NR6A1: variants seen among roughly 807,000 people sequenced by gnomAD.
The protein encoded by NR6A1 is retinoic acid receptor-related testis-associated receptor.
NR6A1 carries 7 observed loss-of-function variants against 59.1 expected under a neutral mutation model. The observed-to-expected ratio is 0.12, with a 90% CI of 0.07 to 0.22. NR6A1 has a LOEUF of 0.22. Among genes scored for constraint, NR6A1 ranks in the 10% least tolerant of loss-of-function variants. The probability of loss-of-function intolerance (pLI) is 1.00; values close to 1 mark genes in which losing one functional copy is unlikely to be tolerated. For synonymous variants in NR6A1, 243 were observed against 236.1 expected, an observed-to-expected ratio of 1.03 and a Z score of -0.27; for missense variants, 468 against 611.6, an observed-to-expected ratio of 0.77 and a Z score of 2.48.
intron 2 of NR6A1, among the ~76,000 whole-genome samples, chr9:124,659,926 T>C (rs1212565134): frequency 3.3e-5 from 5 of 152,242 alleles, no homozygotes; most frequent in African/African-American, 9.6e-5. Flanking sequence ...GGTTAATGCA[T>C]TGCATTTGAA....
chr9:124,601,075 A>G (rs1394202949), intron 2 of NR6A1, among the ~76,000 whole-genome samples: 1 of 152,130 alleles, frequency 6.6e-6, no homozygotes, highest in Non-Finnish European at 1.5e-5. Flanking sequence ...CAGAAGTTCA[A>G]AACCAGCCTG....
At chr9:124,654,367 T>G (rs897164066) in intron 2 of NR6A1, among the ~76,000 whole-genome samples, 2 of 152,150 alleles carry the variant, frequency 1.3e-5, no homozygotes, top group African/African-American at 2.4e-5. Flanking sequence ...AAAAATACAC[T>G]TGGAAAAAAC....
At chr9:124,645,839 A>T (rs1172775159) in intron 2 of NR6A1, among the ~76,000 whole-genome samples, 2 of 152,202 alleles carry the variant, frequency 1.3e-5, no homozygotes, top group African/African-American at 4.8e-5. Context: ...TCAAGTTGAC[A>T]TGAAACATTT....
chr9:124,544,109 A>T (rs1046513639), intron 3 of NR6A1, among the ~76,000 whole-genome samples: 1 of 152,250 alleles, frequency 6.6e-6, no homozygotes, highest in East Asian at 1.9e-4. Context: ...ATATGTTCGA[A>T]AAAGGTGATA....
chr9:124,591,479 C>T (rs1835124211), intron 2 of NR6A1, among the ~76,000 whole-genome samples: 1 of 152,220 alleles, frequency 6.6e-6, no homozygotes, highest in Admixed American at 6.5e-5. Context: ...GCCATCTGGG[C>T]AACAGGGGAC....
intron 2 of NR6A1, among the ~76,000 whole-genome samples, chr9:124,677,354 G>A (rs1370642028): frequency 6.6e-6 from 1 of 152,086 alleles, no homozygotes; most frequent in Admixed American, 6.6e-5. Context: ...AACCTCTCAT[G>A]TTCAAGTGAT....
chr9:124,656,604 G>A (rs1183475192), intron 2 of NR6A1, among the ~76,000 whole-genome samples: 1 of 152,058 alleles, frequency 6.6e-6, no homozygotes, highest in African/African-American at 2.4e-5. Flanking sequence ...GGCCAAGGTG[G>A]GTGGATCACT....
intron 2 of NR6A1, among the ~76,000 whole-genome samples, chr9:124,597,555 A>G (rs889758435): frequency 2.6e-5 from 4 of 152,184 alleles, no homozygotes; most frequent in African/African-American, 9.6e-5. Flanking sequence ...GAAAAGATGA[A>G]TAAGGAGCTA....
chr9:124,584,742 A>G (rs947686202), intron 2 of NR6A1, among the ~76,000 whole-genome samples: 1 of 152,096 alleles, frequency 6.6e-6, no homozygotes, highest in Non-Finnish European at 1.5e-5. Flanking sequence ...ATTCTCTGAA[A>G]CCCAACAACA....
At chr9:124,718,426 G>C (rs1839465374) in intron 2 of NR6A1, among the ~76,000 whole-genome samples, 1 of 152,188 alleles carries the variant, frequency 6.6e-6, no homozygotes, top group Non-Finnish European at 1.5e-5. Context: ...GATGGTTCCT[G>C]CTACTTGAGG....
At chr9:124,604,976 G>A (rs1835539952) in intron 2 of NR6A1, among the ~76,000 whole-genome samples, 1 of 151,992 alleles carries the variant, frequency 6.6e-6, no homozygotes, top group Non-Finnish European at 1.5e-5. Context: ...ACTGGAATTA[G>A]AATAACACCG....
rs990602387 is a variant in NR6A1 at position 124,710,473 on chromosome 9, T to TCTA, written c.142+22834_142+22835insTAG. On this transcript the variant is annotated intron_variant, in intron 2 of 9. Coordinates refer to ENST00000487099, the MANE Select transcript of NR6A1 (RefSeq NM_033334.4). Reference sequence around the variant, plus strand: ...AAAAACACCCCCTTTCTATTTCACATTTAGCATCAAAGGTTCATTGCAATG... The same window carrying TCTA: ...AAAAACACCCCCTTTCTATTTCACATCTATTAGCATCAAAGGTTCATTGCAATG... Among the ~76,000 whole-genome samples, 66 of 152,322 alleles carry TCTA rather than the reference T, an allele frequency of 4.3e-4. 1 individual carries two copies. Among genetic ancestry groups the TCTA allele is most frequent in the Admixed American group, 8.5e-4 (13 of 15,298 alleles).
chr9:124,643,296 T>A (rs1241260848), intron 2 of NR6A1, among the ~76,000 whole-genome samples: 1 of 151,562 alleles, frequency 6.6e-6, no homozygotes, highest in Non-Finnish European at 1.5e-5. Context: ...CCTGTCTCTA[T>A]GAAATATTTT....
intron 1 of NR6A1, among the ~76,000 whole-genome samples, chr9:124,734,938 G>A (rs533849185): frequency 1.3e-5 from 2 of 152,208 alleles, no homozygotes; most frequent in Admixed American, 6.5e-5. Context: ...CGCGCCTCCT[G>A]GTTTCAAGCG....
intron 9 of NR6A1, among the ~76,000 whole-genome samples, chr9:124,523,544 A>T (rs1832851622): frequency 6.7e-6 from 1 of 149,738 alleles, no homozygotes; most frequent in Admixed American, 6.6e-5. Context: ...TAAGTTTTCC[A>T]GGTGATTGGA....
intron 2 of NR6A1, among the ~76,000 whole-genome samples, chr9:124,723,947 C>A (rs528734829): frequency 6.6e-6 from 1 of 152,136 alleles, no homozygotes; most frequent in East Asian, 1.9e-4. Flanking sequence ...AGCACTCATT[C>A]GAAATGCAGA....
chr9:124,625,254 T>C (rs1240812252), intron 2 of NR6A1, among the ~76,000 whole-genome samples: 1 of 152,252 alleles, frequency 6.6e-6, no homozygotes, highest in Non-Finnish European at 1.5e-5. Flanking sequence ...GTCATCTCTT[T>C]ACTCTGGTAA....
chr9:124,550,375 ATTTTTTTTT>A (rs58594452), intron 3 of NR6A1, among the ~76,000 whole-genome samples: 1 of 117,598 alleles, frequency 8.5e-6, no homozygotes, highest in East Asian at 2.5e-4. Context: ...CTAATGGTGA[ATTTTTTTTT>A]TTTTTTTTTT....
At position 124,687,834 on chromosome 9, in the gene NR6A1, C is replaced by T. The variant is rs138228789; in HGVS notation, c.142+45474G>A. On this transcript the variant is annotated intron_variant, in intron 2 of 9. Coordinates refer to ENST00000487099, the MANE Select transcript of NR6A1 (RefSeq NM_033334.4). ...GCATTCAAATATTTGTATAACTTCT[C>T]ATTTGACAATTTCTTTTAGAAGAGG... 1.1e-3 allele frequency among the ~76,000 whole-genome samples: 169 copies of T among 152,318 alleles called. 2 individuals are homozygous for T. The East Asian group carries it at 0.03, about 27-fold the overall frequency.
Sources: allele counts gnomAD v4.1 joint callset (sites outside exome capture counted in the v4.1 genomes callset), GRCh38; gene constraint gnomAD v4.1.1; transcripts MANE v1.5; gene names NCBI Gene and HGNC (gene_info 2026-07-23, HGNC 2026-07-21).